The following UGGT2 variants were observed in gnomAD, a reference collection of about 807,000 sequenced individuals.
The protein encoded by UGGT2 is UDP-glucose:glycoprotein glucosyltransferase 2.
Under a neutral mutation model 192.1 loss-of-function variants are expected in UGGT2, and 180 were observed. The observed-to-expected ratio is 0.94, with a 90% CI of 0.83 to 1.06. The LOEUF (loss-of-function observed/expected upper bound fraction) is 1.06, where lower values mean the gene tolerates loss of function less well. Among genes scored for constraint, UGGT2 ranks in the 50% least tolerant of loss-of-function variants. The probability of loss-of-function intolerance (pLI) is 0.00; values close to 1 mark genes in which losing one functional copy is unlikely to be tolerated. For missense variants in UGGT2, 1,849 were observed against 1,795.7 expected, an observed-to-expected ratio of 1.03 and a Z score of -0.54; for synonymous variants, 580 against 591.0, an observed-to-expected ratio of 0.98 and a Z score of 0.27.
intron 22 of UGGT2, among the ~76,000 whole-genome samples, chr13:95,896,307 C>T (rs2047943616): frequency 1.3e-5 from 2 of 152,022 alleles, no homozygotes; most frequent in South Asian, 2.1e-4. Flanking sequence ...AGGTGACTAA[C>T]TGGGATTTTG....
chr13:95,979,714 C>G (rs957189268), intron 10 of UGGT2, among the ~76,000 whole-genome samples: 9 of 151,850 alleles, frequency 5.9e-5, no homozygotes, highest in Admixed American at 6.6e-5. Flanking sequence ...AGTTAGCAGA[C>G]AGCCCAGAGT....
chr13:95,871,439 G>A (rs1036103886), intron 29 of UGGT2, among the ~76,000 whole-genome samples: 3 of 152,200 alleles, frequency 2.0e-5, no homozygotes, highest in Non-Finnish European at 2.9e-5. Context: ...CTGTGAGGAC[G>A]GAAGGGGAAG....
At chr13:95,828,794 A>G (rs1359002538) in intron 38 of UGGT2, among the ~76,000 whole-genome samples, 4 of 152,180 alleles carry the variant, frequency 2.6e-5, no homozygotes, top group Admixed American at 2.6e-4. Context: ...ATAGAAAAAG[A>G]GGGAATCCTC....
At chr13:95,948,665 T>G (rs148263183) in intron 13 of UGGT2, among the ~76,000 whole-genome samples, 1 of 152,322 alleles carries the variant, frequency 6.6e-6, no homozygotes, top group African/African-American at 2.4e-5. Flanking sequence ...ATTACTACAC[T>G]TTAATCATTA....
intron 38 of UGGT2, among the ~76,000 whole-genome samples, chr13:95,804,457 C>T (rs75464323): frequency 0.015 from 2,237 of 152,230 alleles, 58 homozygotes; most frequent in African/African-American, 0.051. Context: ...AACAGGAAAA[C>T]TCATTCTGAA....
Position 95,890,899 on chromosome 13 carries a change from A to G in UGGT2, c.2921T>C (p.Leu974Ser). Residue 974 changes from leucine (L) to serine (S), a missense_variant, in exon 25 of 39, where the codon TTA (leucine) becomes TCA (serine). Transcript: ENST00000376747. The stretch of plus-strand genomic sequence containing the variant: ...TGCCATTTTCTGTGCTTCTCTTGTT[A>G]ATGGATCAACAATAGCAATGACATT... ...FFNVIAIVDP[L>S]TREAQKMAQL... is the part of the protein sequence containing the mutation. The G allele has an allele frequency of 6.2e-7, 1 of 1,613,034 alleles. No homozygotes were observed.
intron 38 of UGGT2, among the ~76,000 whole-genome samples, chr13:95,819,554 C>T (rs1402164717): frequency 6.6e-6 from 1 of 151,482 alleles, no homozygotes; most frequent in South Asian, 2.1e-4. Flanking sequence ...ATGTATGTAT[C>T]TATACTTCGG....
chr13:95,807,897 T>C (rs1002560127), intron 38 of UGGT2, among the ~76,000 whole-genome samples: 3 of 152,058 alleles, frequency 2.0e-5, no homozygotes, highest in Admixed American at 6.5e-5. Context: ...TTTTCAATAT[T>C]ATCATCCTTC....
At chr13:96,031,304 C>G (rs2052826679) in intron 2 of UGGT2, among the ~76,000 whole-genome samples, 1 of 151,824 alleles carries the variant, frequency 6.6e-6, no homozygotes, top group Non-Finnish European at 1.5e-5. Flanking sequence ...AAAAAGAAAA[C>G]TATCTTAATT....
intron 32 of UGGT2, 114 bp downstream of exon 32, chr13:95,860,674 G>A (rs2140080550): frequency 1.9e-6 from 1 of 538,954 alleles, no homozygotes; most frequent in Non-Finnish European, 3.0e-6. Flanking sequence ...TGAGTATCAA[G>A]GAAACAGAGG....
rs546471706 is a variant in UGGT2 at position 95,994,689 on chromosome 13, T to C, written c.830+1374A>G. On this transcript the variant is annotated intron_variant, in intron 7 of 38. Coordinates refer to ENST00000376747, the MANE Select transcript of UGGT2 (RefSeq NM_020121.4). ...CTATACCAATTATTTACTTGACTTT[T>C]ATGGCAGCTGTGTTAGAATAAAGAA... Among the ~76,000 whole-genome samples, 3 of 152,176 alleles carry C rather than the reference T, an allele frequency of 2.0e-5. No homozygotes were observed. In the East Asian group the frequency reaches 5.8e-4, roughly 29 times the overall value.
At position 96,013,491 on chromosome 13, in the gene UGGT2, A is replaced by T. The variant is rs2052231552; in HGVS notation, c.486-10T>A. ...TAGATAAGGTCTAGTCCTAAGATAA[A>T]AGCAAAACACAAAGTTTTGAAAAAA... On this transcript the variant is annotated splice_polypyrimidine_tract_variant and intron_variant, in intron 4 of 38. Transcript: ENST00000376747. 1.3e-6 allele frequency: 2 copies of T among 1,494,410 alleles called. No individual in the cohort carries two copies. Among genetic ancestry groups the T allele is most frequent in the Middle Eastern group, 2.0e-4 (1 of 5,074 alleles). 92.6% of individuals were successfully genotyped at this position (1,494,410 alleles called of 1,614,324 possible).
chr13:95,852,784 G>A (rs2140030179), intron 36 of UGGT2, among the ~76,000 whole-genome samples: 1 of 152,280 alleles, frequency 6.6e-6, no homozygotes, highest in Non-Finnish European at 1.5e-5. Flanking sequence ...GTGCTTGTGA[G>A]GTGAAAGAAA....
intron 17 of UGGT2, among the ~76,000 whole-genome samples, chr13:95,933,296 C>T (rs1319374951): frequency 6.6e-6 from 1 of 152,140 alleles, no homozygotes; most frequent in African/African-American, 2.4e-5. Flanking sequence ...CAATTTCTTC[C>T]TGATTCAATC....
intron 2 of UGGT2, among the ~76,000 whole-genome samples, chr13:96,028,328 G>A (rs1167838236): frequency 2.0e-5 from 3 of 152,094 alleles, no homozygotes; most frequent in Admixed American, 2.0e-4. Flanking sequence ...AACATTTTTT[G>A]AAAATTTCTT....
intron 21 of UGGT2, among the ~76,000 whole-genome samples, chr13:95,902,340 A>C (rs1434569502): frequency 1.3e-5 from 2 of 152,106 alleles, no homozygotes; most frequent in African/African-American, 4.8e-5. Context: ...TTTGGAAGCA[A>C]ATCAATCAAA....
chr13:95,882,984 A>C (rs569218260), intron 27 of UGGT2, among the ~76,000 whole-genome samples: 2 of 151,964 alleles, frequency 1.3e-5, no homozygotes, highest in South Asian at 4.1e-4. Flanking sequence ...TTCACTTCTT[A>C]TAAGATTCAT....
At chr13:95,894,756 T>A in intron 23 of UGGT2, 99 bp from the exon 24 acceptor site, 1 of 970,386 alleles carries the variant, frequency 1.0e-6, no homozygotes, top group Non-Finnish European at 1.6e-6. Context: ...TATCTGAACA[T>A]GGTTAAATCT....
chr13:95,912,984 G>A (rs2048552943), intron 20 of UGGT2, among the ~76,000 whole-genome samples: 1 of 152,126 alleles, frequency 6.6e-6, no homozygotes, highest in Non-Finnish European at 1.5e-5. Flanking sequence ...ACAAGAAATG[G>A]GGAAAGGATT....
Sources: allele counts gnomAD v4.1 joint callset (sites outside exome capture counted in the v4.1 genomes callset), GRCh38; gene constraint gnomAD v4.1.1; transcripts MANE v1.5; gene names NCBI Gene and HGNC (gene_info 2026-07-23, HGNC 2026-07-21).